MVK: variants seen among roughly 807,000 people sequenced by gnomAD.
The protein encoded by MVK is LH receptor mRNA-binding protein.
MVK carries 34 observed loss-of-function variants against 43.2 expected under a neutral mutation model. The observed-to-expected ratio is 0.79, with a 90% confidence interval of 0.60 to 1.05. MVK has a LOEUF of 1.05. Ranked by LOEUF, MVK falls within the 50% of genes least tolerant of loss-of-function variation. The probability of loss-of-function intolerance (pLI) is 0.00; values close to 1 mark genes in which losing one functional copy is unlikely to be tolerated. For synonymous variants in MVK, 190 were observed against 219.8 expected (o/e 0.86, Z 1.20); for missense variants, 395 against 504.0 (o/e 0.78, Z 2.07).
intron 7 of MVK, among the ~76,000 whole-genome samples, chr12:109,587,288 C>T (rs560584057): frequency 3.8e-4 from 58 of 152,156 alleles, no homozygotes; most frequent in African/African-American, 7.0e-4. Context: ...AGGATGGAAG[C>T]GGGAGGGAGG....
Position 109,596,961 on chromosome 12 carries a change from TTCTC to T in MVK, c.*389_*392del. 1 of 317,136 alleles carries T rather than the reference TTCTC, an allele frequency of 3.2e-6. No individual in the cohort carries two copies. The highest frequency in any genetic ancestry group is 6.1e-6 in the Non-Finnish European group (1 of 163,178). The allele number at this position is 317,136 out of a possible 1,614,324, so 19.6% of individuals were successfully genotyped here. On this transcript the variant is annotated 3_prime_UTR_variant, in exon 11 of 11. Coordinates refer to ENST00000228510, the MANE Select transcript of MVK (RefSeq NM_000431.4). ...GGCCTGGTTCCCGGAGAAGTGTGCC[TTCTC>T]TCTCCCTTTTCAGGGACCGCCCCCT... is the stretch of plus-strand genomic sequence containing the variant.
Position 109,581,462 on chromosome 12 carries a change from G to A in MVK, c.439G>A (p.Ala147Thr), listed in dbSNP as rs104895363. The A allele has an allele frequency of 8.1e-6, 13 of 1,614,162 alleles. No individual in the cohort carries two copies. The highest frequency in any genetic ancestry group is 4.5e-5 in the East Asian group (2 of 44,870). The change falls in exon 5 of 11, where the codon GCC becomes ACC. Residue 147 changes from alanine (A) to threonine (T), a missense_variant. Ala to Thr is a moderately conservative substitution (Grantham distance 58). Coordinates refer to ENST00000228510, the MANE Select transcript of MVK (RefSeq NM_000431.4). ...CCCCGGGGCGGGCTTGGGCTCCAGCGCCGCCTACTCGGTGTGTCTGGCAGC... is the reference window on the plus strand; with the variant it reads ...CCCCGGGGCGGGCTTGGGCTCCAGCACCGCCTACTCGGTGTGTCTGGCAGC... The part of the protein sequence containing the change: ...LPPGAGLGSS[A>T]AYSVCLAAAL...
rs749603717 is a variant in MVK, at chr12:109,596,432, A to C, written c.1046A>C (p.Glu349Ala). 2 of 1,613,378 alleles carry C rather than the reference A, an allele frequency of 1.2e-6. No homozygotes were observed. The highest frequency in any genetic ancestry group is 4.5e-5 in the East Asian group (2 of 44,866). ...CGITLLKPGLEQPEVEATKQA... is the reference protein window; with the variant it reads ...CGITLLKPGLAQPEVEATKQA... ...CTGCCTTCCCTCCCCGCAGGGCTGG[A>C]GCAGCCAGAAGTGGAGGCCACGAAG... Residue 349 changes from glutamate to alanine, a missense_variant, in exon 11 of 11, where the codon GAG becomes GCG. Coordinates refer to ENST00000228510, the MANE Select transcript of MVK (RefSeq NM_000431.4).
At position 109,591,354 on chromosome 12, in the gene MVK, G is replaced by A. The variant is rs1885675127; in HGVS notation, c.882G>A (p.Leu294=). Residue 294 remains leucine, a synonymous_variant, in exon 9 of 11, where the codon CTG becomes CTA. Coordinates refer to ENST00000228510, the MANE Select transcript of MVK (RefSeq NM_000431.4). ...EAPAPEQYLV[L]EELIDMNQHH... is the part of the protein sequence containing the mutation. ...CAGCCCCGGAGCAGTACCTCGTGCT[G>A]GAAGTAAGAGCCTGTCTGCAGGAAC... 6.2e-7 allele frequency: 1 copy of A among 1,613,778 alleles called. No individual in the cohort carries two copies. Among genetic ancestry groups the A allele is most frequent in the Non-Finnish European group, 8.5e-7 (1 of 1,179,848 alleles).
rs1884949239 is a variant in MVK at position 109,576,247 on chromosome 12, T to C, written c.226+102T>C. On this transcript the variant is annotated intron_variant, in intron 3 of 10. Transcript: ENST00000228510. ...CCAAGGGAGCCAGGGGCCAGCTATT[T>C]CCCGGGTGTTTTCTACCCTGACCTC... The C allele has an allele frequency of 2.7e-6, 4 of 1,483,516 alleles. No homozygotes were observed. In the Admixed American group the frequency reaches 5.5e-5, roughly 20 times the overall value. The allele number at this position is 1,483,516 out of a possible 1,614,324, so 91.9% of individuals were successfully genotyped here.
intron 7 of MVK, chr12:109,590,398 G>T: frequency 2.9e-6 from 1 of 350,868 alleles, no homozygotes. Flanking sequence ...AGCTTTGCTT[G>T]GTGGCTTCTT....
chr12:109,573,566 G>A, upstream of MVK: 1 of 1,473,736 alleles, frequency 6.8e-7, no homozygotes, highest in Non-Finnish European at 9.2e-7. Context: ...CCGCGCCACC[G>A]CTCAGGTTTC....
intron 7 of MVK, chr12:109,590,277 C>T (rs1885609392): frequency 3.8e-6 from 1 of 260,502 alleles, no homozygotes; most frequent in South Asian, 4.7e-5. Context: ...TTCGCCCCCT[C>T]CTTGTACTCT....
chr12:109,582,126 G>A (rs999630725), intron 5 of MVK, among the ~76,000 whole-genome samples: 34 of 152,326 alleles, frequency 2.2e-4, no homozygotes, highest in African/African-American at 7.2e-4. Context: ...AGTGAGGCCT[G>A]TCCAGACAGG....
chr12:109,595,290 G>T lies in MVK; in HGVS notation c.1039+109G>T. On this transcript the variant is annotated intron_variant, in intron 10 of 10. Transcript: ENST00000228510. The surrounding 1 kb of genome is among the most constrained non-coding windows in gnomAD (Gnocchi z 5.9). ...AGACCTGGAAACAGGTCTCAGCTCC[G>T]CTGTGTGGCCTTGGGCAAGTTAGTT... is the stretch of plus-strand genomic sequence containing the variant. 7.0e-7 allele frequency: 1 copy of T among 1,423,306 alleles called. No individual in the cohort carries two copies. Among genetic ancestry groups the T allele is most frequent in the Non-Finnish European group, 9.5e-7 (1 of 1,050,108 alleles). The allele number at this position is 1,423,306 out of a possible 1,614,324, so 88.2% of individuals were successfully genotyped here.
chr12:109,595,210 C>T lies in MVK; in HGVS notation c.1039+29C>T. 1.2e-6 allele frequency: 2 copies of T among 1,612,838 alleles called. No homozygotes were observed. On this transcript the variant is annotated intron_variant, in intron 10 of 10. Transcript: ENST00000228510. The surrounding 1 kb of genome is among the most constrained non-coding windows in gnomAD (Gnocchi z 5.9). ...TCCCGGGGGTAGGTGGGCCAGGCTG[C>T]CAGCCTGGGCTCCTAAGAGGGGTCC...
intron 9 of MVK, among the ~76,000 whole-genome samples, chr12:109,594,610 C>T (rs11067392): frequency 0.051 from 7,728 of 152,282 alleles, 271 homozygotes; most frequent in South Asian, 0.11. Flanking sequence ...CCATCTGCCA[C>T]GTAATATCTG....
At position 109,596,746 on chromosome 12, in the gene MVK, TAGGGAG is replaced by T; in HGVS notation, c.*170_*175del. The T allele has an allele frequency of 2.0e-6, 2 of 992,900 alleles. No homozygotes were observed. Among genetic ancestry groups the T allele is most frequent in the Non-Finnish European group, 3.0e-6 (2 of 665,682 alleles). 61.5% of individuals were successfully genotyped at this position (992,900 alleles called of 1,614,324 possible). A position where few individuals can be genotyped will look rare whatever the true frequency, so the allele number is the denominator to read the frequency against. ...GCTCTGCAGTCCCAGCGGTGGGACC[TAGGGAG>T]GCATGGTCTGCCCTCTGCATCCTCT... On this transcript the variant is annotated 3_prime_UTR_variant, in exon 11 of 11. Coordinates refer to ENST00000228510, the MANE Select transcript of MVK (RefSeq NM_000431.4).
rs59269664 is a variant in MVK at position 109,576,870 on chromosome 12, C to CAA, written c.226+741_226+742dup. On this transcript the variant is annotated intron_variant, in intron 3 of 10. Coordinates refer to ENST00000228510, the MANE Select transcript of MVK (RefSeq NM_000431.4). ...TGGGGGACAGGGCAAGACTCCATCT[C>CAA]AAAAAAAAAAAAAAAAATTTAATAA... is the stretch of plus-strand genomic sequence containing the variant. Among the ~76,000 whole-genome samples the CAA allele has an allele frequency of 7.6e-3, 786 of 102,842 alleles. 5 individuals are homozygous for CAA. The highest frequency in any genetic ancestry group is 0.027 in the African/African-American group (760 of 27,704). The allele number at this position is 102,842 out of a possible 152,430, so 67.5% of individuals were successfully genotyped here. A position where few individuals can be genotyped will look rare whatever the true frequency, so the allele number is the denominator to read the frequency against.
chr12:109,594,607 C>T (rs73198444), intron 9 of MVK, among the ~76,000 whole-genome samples: 8,138 of 152,290 alleles, frequency 0.053, 300 homozygotes, highest in Non-Finnish European at 0.082. Context: ...TGTCCATCTG[C>T]CACGTAATAT....
intron 3 of MVK, among the ~76,000 whole-genome samples, chr12:109,578,496 G>A (rs1258394285): frequency 1.3e-5 from 2 of 152,148 alleles, no homozygotes; most frequent in Non-Finnish European, 2.9e-5. Context: ...CTGGAAGTAG[G>A]TGGTGGTATT....
chr12:109,581,495 C>G lies in MVK; in HGVS notation c.472C>G (p.Leu158Val). 1 of 1,614,204 alleles carries G rather than the reference C, an allele frequency of 6.2e-7. No homozygotes were observed. The highest frequency in any genetic ancestry group is 1.1e-5 in the South Asian group (1 of 91,086). ...AYSVCLAAAL[L>V]TVCEEIPNPL... ...CTCGGTGTGTCTGGCAGCAGCCCTCCTGACTGTGTGCGAGGAGATCCCAAA... is the reference window on the plus strand; with the variant it reads ...CTCGGTGTGTCTGGCAGCAGCCCTCGTGACTGTGTGCGAGGAGATCCCAAA... Residue 158 changes from leucine (L) to valine (V), a missense_variant, in exon 5 of 11, where the codon CTG becomes GTG. Physicochemically the swap from Leu to Val is conservative, Grantham distance 32. Transcript: ENST00000228510.
At chr12:109,592,516 TCC>T (rs2136248512) in intron 9 of MVK, among the ~76,000 whole-genome samples, 1 of 152,314 alleles carries the variant, frequency 6.6e-6, no homozygotes, top group East Asian at 1.9e-4. Context: ...TGTCTCCCGG[TCC>T]CCCGTGGGCA....
At chr12:109,573,459 T>C, upstream of MVK, 1 of 1,606,138 alleles carries the variant, frequency 6.2e-7, no homozygotes, top group Non-Finnish European at 8.5e-7. Context: ...CCAAGACGGC[T>C]CCCCAGGCCG....
Sources: gnomAD v4.1 joint callset for allele counts (sites outside exome capture counted in the v4.1 genomes callset) on GRCh38, gnomAD v4.1.1 for gene constraint, Gnocchi (gnomAD v3.1) non-coding constraint, MANE v1.5 for transcripts, NCBI Gene and HGNC (gene_info 2026-07-23, HGNC 2026-07-21) for gene names.